TLE3: variants seen among roughly 807,000 people sequenced by gnomAD.
The protein encoded by TLE3 is transducin-like enhancer protein 3.
In TLE3, 14 loss-of-function variants were observed where a neutral mutation model predicts 93.0. The ratio of observed to expected loss-of-function variants is 0.15; its 90% CI spans 0.10 to 0.24. The LOEUF is 0.24. Among genes scored for constraint, TLE3 ranks in the 10% least tolerant of loss-of-function variants. The probability of loss-of-function intolerance (pLI) is 1.00; values close to 1 mark genes in which losing one functional copy is unlikely to be tolerated. For synonymous variants in TLE3, 451 were observed against 425.0 expected, an observed-to-expected ratio of 1.06 and a Z score of -0.75; for missense variants, 693 against 1,046.6, an observed-to-expected ratio of 0.66 and a Z score of 4.66.
intron 5 of TLE3, 83 bp downstream of exon 5, chr15:70,076,013 T>C: frequency 7.6e-7 from 1 of 1,311,764 alleles, no homozygotes; most frequent in Non-Finnish European, 1.1e-6. Flanking sequence ...GGGCTGGGGC[T>C]GGGGCTCAGG....
intron 3 of TLE3, chr15:70,095,374 C>T (rs2058502822): frequency 1.4e-6 from 2 of 1,445,998 alleles, no homozygotes; most frequent in African/African-American, 1.4e-5. Context: ...CTCTTTCTGC[C>T]CCTCCCCTCA....
chr15:70,053,514 T>C, intron 16 of TLE3, 140 bp from the exon 17 acceptor site: 1 of 970,926 alleles, frequency 1.0e-6, no homozygotes, highest in Non-Finnish European at 1.4e-6. Context: ...TTAGCGAGCT[T>C]GCAGCAAAGC....
chr15:70,060,272 G>C (rs2056379776), intron 9 of TLE3, among the ~76,000 whole-genome samples: 1 of 152,158 alleles, frequency 6.6e-6, no homozygotes, highest in Admixed American at 6.5e-5. Context: ...CCTGTCTGTG[G>C]GAAGAGACCC....
At chr15:70,080,989 T>C (rs2057748688) in intron 4 of TLE3, among the ~76,000 whole-genome samples, 1 of 152,170 alleles carries the variant, frequency 6.6e-6, no homozygotes, top group African/African-American at 2.4e-5. Flanking sequence ...TGCCCTGTCG[T>C]GTGTACCTGT....
intron 6 of TLE3, among the ~76,000 whole-genome samples, chr15:70,072,602 C>T (rs1234591569): frequency 2.0e-5 from 3 of 152,196 alleles, no homozygotes; most frequent in South Asian, 2.1e-4. Context: ...CCCTGGGCTG[C>T]GAGTCAGCCA....
rs2055270136 is a variant in TLE3 at position 70,048,710 on chromosome 15, C to T, written c.*1387G>A. On this transcript the variant is annotated 3_prime_UTR_variant, in exon 20 of 20. Transcript: ENST00000451782. ...CCTAACACCTCAGAACATGTTGGTA[C>T]CAAAAGGTGGCACCTGCCAGAGGCG... 1 of 151,486 alleles carries T rather than the reference C, an allele frequency of 6.6e-6. No homozygotes were observed. Among genetic ancestry groups the T allele is most frequent in the African/African-American group, 2.4e-5 (1 of 41,258 alleles). The allele number at this position is 151,486 out of a possible 1,614,324, so 9.4% of individuals were successfully genotyped here.
chr15:70,097,422 G>C lies in TLE3; in HGVS notation c.-624C>G, dbSNP rs1400313588. 1.2e-5 allele frequency: 5 copies of C among 412,100 alleles called. No homozygotes were observed. The highest frequency in any genetic ancestry group is 2.1e-5 in the Non-Finnish European group (5 of 234,440). The allele number at this position is 412,100 out of a possible 1,614,324, so 25.5% of individuals were successfully genotyped here. A position where few individuals can be genotyped will look rare whatever the true frequency, so the allele number is the denominator to read the frequency against. On this transcript the variant is annotated 5_prime_UTR_variant, in exon 1 of 20. Transcript: ENST00000451782. Reference sequence around the variant, plus strand: ...CGCTTCGACGCCCCCCCTCGGAGAGGAGAGCCTGCTGTTCCGTCTGCTACT... The same window carrying C: ...CGCTTCGACGCCCCCCCTCGGAGAGCAGAGCCTGCTGTTCCGTCTGCTACT...
chr15:70,065,996 G>GGCCC lies in TLE3; in HGVS notation c.577+17_577+18insGGGC. On this transcript the variant is annotated intron_variant, in intron 7 of 19. Transcript: ENST00000451782. ...CCACCCCTGCCCCGCCCCACCCTCT[G>GGCCC]CCCCAGCCCAGCCGCACCTCTGTGA... 3 of 1,347,776 alleles carry GGCCC rather than the reference G, an allele frequency of 2.2e-6. No homozygotes were observed. Among genetic ancestry groups the GGCCC allele is most frequent in the Non-Finnish European group, 3.1e-6 (3 of 955,732 alleles). The allele number at this position is 1,347,776 out of a possible 1,614,324, so 83.5% of individuals were successfully genotyped here. A position where few individuals can be genotyped will look rare whatever the true frequency, so the allele number is the denominator to read the frequency against.
chr15:70,052,259 G>T, intron 18 of TLE3, 115 bp downstream of exon 18: 4 of 1,369,796 alleles, frequency 2.9e-6, no homozygotes, highest in Non-Finnish European at 3.9e-6. Flanking sequence ...CAGGAGGCCT[G>T]GTTCCAGGGC....
chr15:70,056,190 C>T, intron 14 of TLE3, 108 bp downstream of exon 14: 4 of 1,256,732 alleles, frequency 3.2e-6, no homozygotes, highest in Non-Finnish European at 4.6e-6. Context: ...GGGAGGTGCA[C>T]CAGGGCAAAC....
intron 4 of TLE3, among the ~76,000 whole-genome samples, chr15:70,088,752 C>G (rs539980680): frequency 4.6e-5 from 7 of 152,182 alleles, no homozygotes; most frequent in Non-Finnish European, 7.3e-5. Context: ...CGGGTCATAA[C>G]CAGTCATTAC....
chr15:70,080,344 G>A (rs760327728), intron 4 of TLE3, among the ~76,000 whole-genome samples: 3 of 152,208 alleles, frequency 2.0e-5, no homozygotes, highest in Non-Finnish European at 4.4e-5. Context: ...AGGTGTTCAG[G>A]GAGGCTGGTG....
intron 7 of TLE3, 47 bp downstream of exon 7, chr15:70,065,967 A>AT: frequency 1.4e-6 from 2 of 1,478,106 alleles, no homozygotes; most frequent in South Asian, 1.2e-5. Context: ...ATGAGCGCCC[A>AT]TGCCCACCCC....
intron 4 of TLE3, among the ~76,000 whole-genome samples, chr15:70,080,133 G>C (rs138757625): frequency 1.4e-4 from 21 of 151,504 alleles, no homozygotes; most frequent in African/African-American, 4.4e-4. Context: ...ACTGGAACTC[G>C]ATCGTATGTT....
At position 70,066,901 on chromosome 15, in the gene TLE3, G is replaced by A. The variant is rs144117440; in HGVS notation, c.373-683C>T. 1.6e-3 allele frequency: 624 copies of A among 387,804 alleles called. 3 individuals are homozygous for A. Among genetic ancestry groups the A allele is most frequent in the African/African-American group, 0.012 (590 of 48,080 alleles). The allele number at this position is 387,804 out of a possible 1,614,324, so 24.0% of individuals were successfully genotyped here. A position where few individuals can be genotyped will look rare whatever the true frequency, so the allele number is the denominator to read the frequency against. ...GCACTTCCTAGCTGTGTGGCCTGGG[G>A]CAGGTTACTTCAAGTCCTGGAGCCT... On this transcript the variant is annotated intron_variant, in intron 6 of 19. Coordinates refer to ENST00000451782, the MANE Select transcript of TLE3 (RefSeq NM_001105192.3).
At chr15:70,067,719 C>T (rs2056899435) in intron 6 of TLE3, among the ~76,000 whole-genome samples, 1 of 152,204 alleles carries the variant, frequency 6.6e-6, no homozygotes, top group Non-Finnish European at 1.5e-5. Flanking sequence ...GATAAAGGGC[C>T]CTACTCTCCC....
rs780378886 is a variant in TLE3 at position 70,066,064 on chromosome 15, G to C, written c.527C>G (p.Ala176Gly). 1 of 1,606,220 alleles carries C rather than the reference G, an allele frequency of 6.2e-7. No homozygotes were observed. The highest frequency in any genetic ancestry group is 8.5e-7 in the Non-Finnish European group (1 of 1,175,944). The change falls in exon 7 of 20, where the codon GCC (alanine) becomes GGC (glycine). Residue 176 changes from alanine to glycine, a missense_variant. This residue lies in a region of TLE3 where 405 missense variants were observed against 468.9 expected (regional missense o/e 0.86). Coordinates refer to ENST00000451782, the MANE Select transcript of TLE3 (RefSeq NM_001105192.3). ...LLALGALGSQ[A>G]HLTVKDEKNH... is the part of the protein sequence containing the mutation. ...CTTCTCATCCTTCACCGTCAGATGG[G>C]CCTGGCTGCCCAGGGCGCCCAGTGC...
rs562788576 is a variant in TLE3 at position 70,064,719 on chromosome 15, C to T, written c.578-249G>A. Among the ~76,000 whole-genome samples, 509 of 152,148 alleles carry T rather than the reference C, an allele frequency of 3.3e-3. 3 individuals are homozygous for T. Among genetic ancestry groups the T allele is most frequent in the Non-Finnish European group, 5.2e-3 (354 of 67,980 alleles). ...ATGCTGCCCCCACCCCTCTAGTCCCCAGGGTGGGCAAGGGAGGCCCAGTCC... is the reference window on the plus strand; with the variant it reads ...ATGCTGCCCCCACCCCTCTAGTCCCTAGGGTGGGCAAGGGAGGCCCAGTCC... On this transcript the variant is annotated intron_variant, in intron 7 of 19. Coordinates refer to ENST00000451782, the MANE Select transcript of TLE3 (RefSeq NM_001105192.3).
intron 4 of TLE3, among the ~76,000 whole-genome samples, chr15:70,087,559 C>G (rs2058089040): frequency 1.3e-5 from 2 of 152,350 alleles, no homozygotes; most frequent in South Asian, 4.1e-4. Flanking sequence ...ACACTGGATC[C>G]TATCCTTCAC....
Sources: gnomAD v4.1 joint callset for allele counts (sites outside exome capture counted in the v4.1 genomes callset) on GRCh38, gnomAD v4.1.1 for gene constraint, gnomAD v4.1.1 regional missense constraint, MANE v1.5 for transcripts, NCBI Gene and HGNC (gene_info 2026-07-23, HGNC 2026-07-21) for gene names.